Variants in DLGAP1 observed in about 807,000 individuals in gnomAD.
DLGAP1 encodes disks large-associated protein 1.
In DLGAP1, 11 loss-of-function variants were observed where a neutral mutation model predicts 90.8. That is an observed-to-expected ratio of 0.12 (90% CI 0.08 to 0.20). The LOEUF is 0.20. Among genes scored for constraint, DLGAP1 ranks in the 10% least tolerant of loss-of-function variants. The pLI is 1.00. For synonymous variants in DLGAP1, 558 were observed against 540.7 expected (o/e 1.03, Z -0.44); for missense variants, 1,050 against 1,333.8 (o/e 0.79, Z 3.31).
At chr18:3,546,947 A>G (rs1185128844) in intron 9 of DLGAP1, among the ~76,000 whole-genome samples, 2 of 151,106 alleles carry the variant, frequency 1.3e-5, no homozygotes, top group Non-Finnish European at 2.9e-5. Flanking sequence ...TCAAAAGCTA[A>G]TAAAATTGAT....
chr18:4,443,457 T>C (rs1289192251), intron 1 of DLGAP1, among the ~76,000 whole-genome samples: 5 of 152,176 alleles, frequency 3.3e-5, no homozygotes, highest in Admixed American at 3.3e-4. Context: ...CTGGTTAAAA[T>C]TTAGAATTCA....
At chr18:3,753,125 C>G (rs762981416) in intron 5 of DLGAP1, among the ~76,000 whole-genome samples, 1 of 152,064 alleles carries the variant, frequency 6.6e-6, no homozygotes, top group African/African-American at 2.4e-5. Context: ...ATTGGCAAAA[C>G]GATTAAAATC....
chr18:4,372,014 C>T (rs976163423), intron 1 of DLGAP1, among the ~76,000 whole-genome samples: 3 of 152,200 alleles, frequency 2.0e-5, no homozygotes, highest in Admixed American at 6.5e-5. Flanking sequence ...CTTTAAATTA[C>T]ACTACAGCAC....
intron 3 of DLGAP1, among the ~76,000 whole-genome samples, chr18:4,003,123 C>T (rs546051609): frequency 6.6e-6 from 1 of 152,296 alleles, no homozygotes; most frequent in South Asian, 2.1e-4. Context: ...CTTAGAGAAC[C>T]ATGACCCCTC....
rs1298718650 is a variant in DLGAP1, at chr18:3,729,278, A to T, written c.1448T>A (p.Met483Lys). ...GCTCCGCATGCGGAAGCAGCCGGGC[A>T]TGGGCAGGTCCAGCGCTTCCACGGC... is the stretch of plus-strand genomic sequence containing the variant. ...SQAVEALDLP[M>K]PGCFRMRSHS... The change falls in exon 7 of 13, where the codon ATG (methionine) becomes AAG (lysine). Residue 483 changes from methionine (M) to lysine (K), a missense_variant. Coordinates refer to ENST00000315677, the MANE Select transcript of DLGAP1 (RefSeq NM_004746.4). This position sits in a 1 kb window ranked among gnomAD's most constrained non-coding sequence, Gnocchi z 6.2. 1 of 1,614,122 alleles carries T rather than the reference A, an allele frequency of 6.2e-7. No homozygotes were observed. Among genetic ancestry groups the T allele is most frequent in the Non-Finnish European group, 8.5e-7 (1 of 1,180,000 alleles).
At chr18:4,097,435 T>C (rs1392259296) in intron 2 of DLGAP1, among the ~76,000 whole-genome samples, 1 of 152,244 alleles carries the variant, frequency 6.6e-6, no homozygotes, top group Non-Finnish European at 1.5e-5. Context: ...CACTGTACTT[T>C]GTCAAAAGTG....
chr18:3,825,863 T>C (rs1226675300), intron 4 of DLGAP1, among the ~76,000 whole-genome samples: 2 of 152,114 alleles, frequency 1.3e-5, no homozygotes, highest in Non-Finnish European at 2.9e-5. Flanking sequence ...ACTAAAGTCA[T>C]GGAATCAACC....
intron 7 of DLGAP1, among the ~76,000 whole-genome samples, chr18:3,639,016 G>C (rs1451363096): frequency 6.6e-6 from 1 of 152,118 alleles, no homozygotes; most frequent in Admixed American, 6.6e-5. Flanking sequence ...ATGCTACACT[G>C]TGCCTTCAGT....
intron 1 of DLGAP1, among the ~76,000 whole-genome samples, chr18:4,236,633 GTTATC>G (rs1939323579): frequency 6.6e-6 from 1 of 151,760 alleles, no homozygotes. Context: ...CCTTAAATGA[GTTATC>G]TTAATGCTTT....
intron 1 of DLGAP1, among the ~76,000 whole-genome samples, chr18:4,338,721 G>A (rs2143821360): frequency 6.6e-6 from 1 of 152,286 alleles, no homozygotes; most frequent in East Asian, 1.9e-4. Context: ...GCAAGGAGCT[G>A]CTTGTTTCTT....
At chr18:4,123,362 A>G (rs574968267) in intron 2 of DLGAP1, among the ~76,000 whole-genome samples, 82 of 152,246 alleles carry the variant, frequency 5.4e-4, no homozygotes, top group African/African-American at 1.9e-3. Context: ...AACTGGGACA[A>G]TATACACTCT....
At chr18:3,622,813 CT>C (rs979834752) in intron 7 of DLGAP1, among the ~76,000 whole-genome samples, 1 of 150,260 alleles carries the variant, frequency 6.7e-6, no homozygotes, top group Non-Finnish European at 1.5e-5. Flanking sequence ...TTTTCTTTTT[CT>C]TTTTTTTTGA....
intron 7 of DLGAP1, among the ~76,000 whole-genome samples, chr18:3,674,651 A>AC (rs949911858): frequency 4.0e-5 from 6 of 151,868 alleles, no homozygotes; most frequent in Admixed American, 3.9e-4. Flanking sequence ...ACCTGCCACC[A>AC]CCACTACCAC....
At chr18:3,530,221 C>T (rs1225181096) in intron 10 of DLGAP1, among the ~76,000 whole-genome samples, 1 of 152,126 alleles carries the variant, frequency 6.6e-6, no homozygotes, top group Admixed American at 6.6e-5. Context: ...GCCTGGGCAA[C>T]ACAGTGAGAA....
chr18:4,364,050 T>TA (rs966196084), intron 1 of DLGAP1, among the ~76,000 whole-genome samples: 8 of 151,618 alleles, frequency 5.3e-5, no homozygotes, highest in Non-Finnish European at 7.4e-5. Context: ...ATGTGGCACA[T>TA]ACACACCATG....
Position 3,711,587 on chromosome 18 carries a change from C to T in DLGAP1, c.1591+17548G>A, listed in dbSNP as rs558831176. On this transcript the variant is annotated intron_variant, in intron 7 of 12. Transcript: ENST00000315677. This position sits in a 1 kb window ranked among gnomAD's most constrained non-coding sequence, Gnocchi z 4.0. ...GGTGTGGTGGCTCATGCTTCTAATG[C>T]CGGCACTTTGGGAGGCTGAGGCAGG... is the stretch of plus-strand genomic sequence containing the variant. Among the ~76,000 whole-genome samples, 5 of 152,232 alleles carry T rather than the reference C, an allele frequency of 3.3e-5. No homozygotes were observed. Among genetic ancestry groups the T allele is most frequent in the African/African-American group, 9.6e-5 (4 of 41,540 alleles).
At chr18:3,764,258 T>C (rs2064112077) in intron 5 of DLGAP1, among the ~76,000 whole-genome samples, 1 of 152,222 alleles carries the variant, frequency 6.6e-6, no homozygotes, top group Non-Finnish European at 1.5e-5. Flanking sequence ...TTAACCATCC[T>C]GTACCCTCCC....
intron 3 of DLGAP1, among the ~76,000 whole-genome samples, chr18:3,954,152 A>G (rs2073041013): frequency 6.6e-6 from 1 of 152,228 alleles, no homozygotes; most frequent in African/African-American, 2.4e-5. Context: ...TATTTTAATA[A>G]AGGAAATGGT....
At chr18:3,888,477 A>G (rs2071379064) in intron 3 of DLGAP1, among the ~76,000 whole-genome samples, 1 of 152,118 alleles carries the variant, frequency 6.6e-6, no homozygotes, top group African/African-American at 2.4e-5. Context: ...TTCGTCTGTG[A>G]ATACCTCTGT....
Sources: gnomAD v4.1 joint callset for allele counts (sites outside exome capture counted in the v4.1 genomes callset) on GRCh38, gnomAD v4.1.1 for gene constraint, Gnocchi (gnomAD v3.1) non-coding constraint, MANE v1.5 for transcripts, NCBI Gene and HGNC (gene_info 2026-07-23, HGNC 2026-07-21) for gene names.